NPHP4: variants seen among roughly 807,000 people sequenced by gnomAD.
NPHP4 encodes nephrocystin 4.
A neutral mutation model predicts 155.8 loss-of-function variants in NPHP4; 151 were observed. That is an observed-to-expected ratio of 0.97 (90% CI 0.85 to 1.11). The LOEUF (loss-of-function observed/expected upper bound fraction) is 1.11. NPHP4 is among the 50% of genes least tolerant of loss of function. The pLI is 0.00. For synonymous variants in NPHP4, 845 were observed against 816.8 expected (o/e 1.03, Z -0.59); for missense variants, 1,956 against 1,925.7 (o/e 1.02, Z -0.29).
chr1:5,952,380 C>G (rs957968940), intron 7 of NPHP4, among the ~76,000 whole-genome samples: 4 of 152,222 alleles, frequency 2.6e-5, no homozygotes, highest in Middle Eastern at 3.2e-3. Flanking sequence ...ACATCTCAGG[C>G]CAACAGCACC....
intron 10 of NPHP4, among the ~76,000 whole-genome samples, chr1:5,930,038 T>C (rs1465249526): frequency 2.0e-5 from 3 of 152,180 alleles, no homozygotes; most frequent in Non-Finnish European, 2.9e-5. Flanking sequence ...AATGTGGAGT[T>C]TCATATTCAT....
chr1:5,884,155 T>C (rs376204684), intron 18 of NPHP4, among the ~76,000 whole-genome samples: 1 of 152,270 alleles, frequency 6.6e-6, no homozygotes, highest in East Asian at 1.9e-4. Flanking sequence ...TCACCTTCCA[T>C]GAAACAGGTT....
At position 5,890,748 on chromosome 1, in the gene NPHP4, G is replaced by T; in HGVS notation, c.2304+120C>A. The T allele has an allele frequency of 2.5e-6, 2 of 810,370 alleles. No individual in the cohort carries two copies. The highest frequency in any genetic ancestry group is 1.8e-6 in the Non-Finnish European group (1 of 545,766). The allele number at this position is 810,370 out of a possible 1,614,324, so 50.2% of individuals were successfully genotyped here. A position where few individuals can be genotyped will look rare whatever the true frequency, so the allele number is the denominator to read the frequency against. The stretch of plus-strand genomic sequence containing the variant: ...TATTTTTAACGAGTGAACAAAGAAG[G>T]TCAAACAAGTCCTGTGCGGGATAGC... On this transcript the variant is annotated intron_variant, in intron 17 of 29. Coordinates refer to ENST00000378156, the MANE Select transcript of NPHP4 (RefSeq NM_015102.5). This position sits in a 1 kb window ranked among gnomAD's most constrained non-coding sequence, Gnocchi z 4.9.
In NPHP4 at chr1:5,864,510, G is replaced by C. The variant is rs768194818; in HGVS notation, c.3824C>G (p.Pro1275Arg). The C allele has an allele frequency of 6.4e-7, 1 of 1,572,626 alleles. No homozygotes were observed. Among genetic ancestry groups the C allele is most frequent in the South Asian group, 1.2e-5 (1 of 86,628 alleles). ...AGGCGGCAGCACGAAGACACCTTTG[G>C]GGTCTGTCTTCAAGAGCGAGAGAGG... is the stretch of plus-strand genomic sequence containing the variant. Reference protein sequence around the residue: ...TSHPQELKTDPKGVFVLPPRG... With the variant: ...TSHPQELKTDRKGVFVLPPRG... Residue 1275 changes from proline to arginine, a missense_variant, in exon 28 of 30, where the codon CCC (proline) becomes CGC (arginine). By Grantham distance (103) the Pro-to-Arg change is moderately radical (BLOSUM62 -2). Coordinates refer to ENST00000378156, the MANE Select transcript of NPHP4 (RefSeq NM_015102.5).
chr1:5,947,331 G>A (rs1027065045), intron 8 of NPHP4, 101 bp from the exon 9 acceptor site: 54 of 1,253,788 alleles, frequency 4.3e-5, no homozygotes, highest in Middle Eastern at 2.8e-4. Context: ...GACACCCTGG[G>A]GGACACAGGG....
At position 5,969,178 on chromosome 1, in the gene NPHP4, C is replaced by A; in HGVS notation, c.361G>T (p.Gly121Trp). Residue 121 changes from glycine to tryptophan, a missense_variant, in exon 4 of 30, where the codon GGG (glycine) becomes TGG (tryptophan). Coordinates refer to ENST00000378156, the MANE Select transcript of NPHP4 (RefSeq NM_015102.5). The part of the protein sequence containing the change: ...EVVAEGKKRD[G>W]SLQTLSCGFG... ...CCACAGGACAATGTCTGGAGGCTCC[C>A]ATCCCGTTTCTTGCCCTCAGCGACC... is the stretch of plus-strand genomic sequence containing the variant. The A allele has an allele frequency of 6.4e-7, 1 of 1,569,332 alleles. No individual in the cohort carries two copies. The highest frequency in any genetic ancestry group is 2.4e-5 in the East Asian group (1 of 42,438).
At chr1:5,870,391 G>T (rs1641873603) in intron 23 of NPHP4, among the ~76,000 whole-genome samples, 1 of 152,158 alleles carries the variant, frequency 6.6e-6, no homozygotes, top group Non-Finnish European at 1.5e-5. Flanking sequence ...TAGGTGAATG[G>T]GGTGAAGGCA....
intron 12 of NPHP4, among the ~76,000 whole-genome samples, chr1:5,908,508 G>A (rs566204320): frequency 3.2e-4 from 49 of 152,340 alleles, no homozygotes; most frequent in African/African-American, 1.2e-3. Flanking sequence ...ACATAGCTAA[G>A]GCCAGCCTTG....
chr1:5,901,138 T>C (rs1469530116), intron 16 of NPHP4, among the ~76,000 whole-genome samples: 2 of 152,214 alleles, frequency 1.3e-5, no homozygotes, highest in Non-Finnish European at 2.9e-5. Context: ...GGGAACTCTC[T>C]GTACCAGCTA....
rs1163545446 is a variant in NPHP4 at position 5,917,352 on chromosome 1, T to C, written c.1442-8139A>G. On this transcript the variant is annotated intron_variant, in intron 11 of 29. Coordinates refer to ENST00000378156, the MANE Select transcript of NPHP4 (RefSeq NM_015102.5). ...TACCTGGGAGCTCCTGGGCTCACCA[T>C]GTGGAGAAACTCTACCCGGAAAGAA... Among the ~76,000 whole-genome samples the C allele has an allele frequency of 4.0e-5, 6 of 151,770 alleles. No individual in the cohort carries two copies. The South Asian group carries it at 8.3e-4, about 21-fold the overall frequency.
chr1:5,984,781 A>C (rs1655218685), intron 2 of NPHP4, among the ~76,000 whole-genome samples: 1 of 152,200 alleles, frequency 6.6e-6, no homozygotes, highest in South Asian at 2.1e-4. Flanking sequence ...AATAAAATGA[A>C]ATGGGGAAAT....
intron 5 of NPHP4, among the ~76,000 whole-genome samples, chr1:5,963,030 TGA>T (rs1650650879): frequency 6.6e-6 from 1 of 152,218 alleles, no homozygotes; most frequent in Admixed American, 6.5e-5. Flanking sequence ...GGACAGCTGC[TGA>T]GAGTCACAAG....
intron 9 of NPHP4, among the ~76,000 whole-genome samples, chr1:5,936,841 T>C (rs1467967795): frequency 6.6e-6 from 1 of 152,158 alleles, no homozygotes; most frequent in Non-Finnish European, 1.5e-5. Context: ...TGTGGCTTTG[T>C]TGGAAACAAG....
intron 18 of NPHP4, among the ~76,000 whole-genome samples, chr1:5,883,383 C>T (rs528663700): frequency 2.0e-5 from 3 of 152,348 alleles, no homozygotes; most frequent in Admixed American, 2.0e-4. Flanking sequence ...CTCCGGGCCA[C>T]GCTGCCCTCC....
At position 5,862,888 on chromosome 1, in the gene NPHP4, T is replaced by A. The variant is rs750609062; in HGVS notation, c.*377A>T. On this transcript the variant is annotated 3_prime_UTR_variant, in exon 30 of 30. Coordinates refer to ENST00000378156, the MANE Select transcript of NPHP4 (RefSeq NM_015102.5). ...CCAGCATAAAATATTGCATAGCAAA[T>A]AATAGATTATGTTTGTACAAAATCC... 1 of 244,108 alleles carries A rather than the reference T, an allele frequency of 4.1e-6. No homozygotes were observed. The highest frequency in any genetic ancestry group is 8.2e-6 in the Non-Finnish European group (1 of 122,048). The allele number at this position is 244,108 out of a possible 1,614,324, so 15.1% of individuals were successfully genotyped here.
At chr1:5,901,275 A>C (rs1162910820) in intron 16 of NPHP4, among the ~76,000 whole-genome samples, 3 of 152,188 alleles carry the variant, frequency 2.0e-5, no homozygotes, top group Admixed American at 2.0e-4. Context: ...ACAACAACAA[A>C]TATCTTTTAA....
At position 5,910,025 on chromosome 1, in the gene NPHP4, C is replaced by T. The variant is rs898389053; in HGVS notation, c.1442-812G>A. ...CCTCAGCAGGAGGAAGCCCCAGCAT[C>T]GCTGGAGTCTCTGAAACCCACCAGG... On this transcript the variant is annotated intron_variant, in intron 11 of 29. Transcript: ENST00000378156. The surrounding 1 kb of genome is among the most constrained non-coding windows in gnomAD (Gnocchi z 5.4). 1.1e-4 allele frequency among the ~76,000 whole-genome samples: 16 copies of T among 152,238 alleles called. No homozygotes were observed. The highest frequency in any genetic ancestry group is 3.9e-4 in the African/African-American group (16 of 41,468).
chr1:5,874,498 G>A lies in NPHP4; in HGVS notation c.3204C>T (p.Phe1068=). 1 of 1,567,448 alleles carries A rather than the reference G, an allele frequency of 6.4e-7. No individual in the cohort carries two copies. The highest frequency in any genetic ancestry group is 8.7e-7 in the Non-Finnish European group (1 of 1,154,324). Residue 1068 remains phenylalanine (F), a synonymous_variant, in exon 22 of 30, where the codon TTC becomes TTT. Transcript: ENST00000378156. ...GCACCATGGCCAGCTGCCCTGCAGA[G>A]AAGCTCTGGAACTTGAAGGGGACGT... is the stretch of plus-strand genomic sequence containing the variant. The part of the protein sequence containing the change: ...TAHVPFKFQS[F]SAGQLAMVQA...
intron 3 of NPHP4, among the ~76,000 whole-genome samples, chr1:5,977,438 C>G (rs1237201701): frequency 6.6e-6 from 1 of 152,078 alleles, no homozygotes; most frequent in African/African-American, 2.4e-5. Flanking sequence ...TCGTCACCCA[C>G]CTAAAGCAGG....
Sources: allele counts gnomAD v4.1 joint callset (sites outside exome capture counted in the v4.1 genomes callset), GRCh38; gene constraint gnomAD v4.1.1; non-coding constraint Gnocchi (gnomAD v3.1); transcripts MANE v1.5; gene names NCBI Gene and HGNC (gene_info 2026-07-23, HGNC 2026-07-21).